UNC13A: variants seen among roughly 807,000 people sequenced by gnomAD.
The protein encoded by UNC13A is unc-13 homolog A.
Under a neutral mutation model 219.7 loss-of-function variants are expected in UNC13A, and 61 were observed. The ratio of observed to expected loss-of-function variants is 0.28; its 90% CI spans 0.23 to 0.34. UNC13A has a LOEUF of 0.34. Among genes scored for constraint, UNC13A ranks in the 10% least tolerant of loss-of-function variants. The pLI is 1.00. For missense variants in UNC13A, 1,476 were observed against 2,270.3 expected, an observed-to-expected ratio of 0.65 and a Z score of 7.11; for synonymous variants, 920 against 884.6, an observed-to-expected ratio of 1.04 and a Z score of -0.71.
chr19:17,658,129 C>T lies in UNC13A; in HGVS notation c.700G>A (p.Gly234Ser), dbSNP rs139378806. 6.2e-7 allele frequency: 1 copy of T among 1,613,796 alleles called. No individual in the cohort carries two copies. Among genetic ancestry groups the T allele is most frequent in the African/African-American group, 1.3e-5 (1 of 74,964 alleles). Residue 234 changes from glycine (G) to serine (S), a missense_variant, in exon 9 of 44, where the codon GGC becomes AGC. Gly to Ser is a moderately conservative substitution (Grantham distance 56). Transcript: ENST00000519716. The part of the protein sequence containing the change: ...HQYSVRPPPL[G>S]SRESYSDSMH... ...GAGTCACTGTAGGACTCCCGGGAGC[C>T]CAGGGGTGGTGGGCGAACAGAATAT...
Position 17,674,808 on chromosome 19 carries a change from C to A in UNC13A, c.53-52G>T. On this transcript the variant is annotated intron_variant, in intron 2 of 43. Transcript: ENST00000519716. The surrounding 1 kb of genome is among the most constrained non-coding windows in gnomAD (Gnocchi z 5.0). ...GCTGGGGCTCAGGGACTCTCCAATG[C>A]CCCTTCCCAAGCTCTAGACCATCTG... 1.4e-6 allele frequency: 2 copies of A among 1,478,036 alleles called. No homozygotes were observed. The highest frequency in any genetic ancestry group is 1.9e-6 in the Non-Finnish European group (2 of 1,057,642). 91.6% of individuals were successfully genotyped at this position (1,478,036 alleles called of 1,614,324 possible). A position where few individuals can be genotyped will look rare whatever the true frequency, so the allele number is the denominator to read the frequency against.
At position 17,605,927 on chromosome 19, in the gene UNC13A, C is replaced by A; in HGVS notation, c.*127G>T. 1 of 881,130 alleles carries A rather than the reference C, an allele frequency of 1.1e-6. No individual in the cohort carries two copies. Among genetic ancestry groups the A allele is most frequent in the Admixed American group, 4.3e-5 (1 of 23,470 alleles). 54.6% of individuals were successfully genotyped at this position (881,130 alleles called of 1,614,324 possible). ...GAAAGCTGAGTCAAGGGCGTAGGCG[C>A]AGCCCACCCTTGGCGTGGAGCCCCC... On this transcript the variant is annotated 3_prime_UTR_variant, in exon 44 of 44. Coordinates refer to ENST00000519716, the MANE Select transcript of UNC13A (RefSeq NM_001080421.3).
intron 1 of UNC13A, among the ~76,000 whole-genome samples, chr19:17,686,134 A>C (rs1340941008): frequency 1.4e-5 from 2 of 141,266 alleles, no homozygotes; most frequent in African/African-American, 2.7e-5. Flanking sequence ...ATTCCTCTCC[A>C]CTCAGCCGGG....
intron 1 of UNC13A, among the ~76,000 whole-genome samples, chr19:17,678,036 G>C (rs1468577099): frequency 4.6e-5 from 7 of 152,260 alleles, no homozygotes; most frequent in Non-Finnish European, 8.8e-5. Flanking sequence ...GTTTCTATGG[G>C]CAGATGTCAC....
intron 35 of UNC13A, 97 bp from the exon 36 acceptor site, chr19:17,623,644 G>T: frequency 1.7e-6 from 1 of 596,228 alleles, no homozygotes; most frequent in Non-Finnish European, 2.7e-6. Flanking sequence ...ATGGCAGCAC[G>T]GAGGGGCAAG....
chr19:17,647,388 T>A lies in UNC13A; in HGVS notation c.1921A>T (p.Ile641Phe). The A allele has an allele frequency of 6.2e-7, 1 of 1,613,740 alleles. No individual in the cohort carries two copies. Among genetic ancestry groups the A allele is most frequent in the African/African-American group, 1.3e-5 (1 of 75,004 alleles). ...AAGATCTCCTGGATGAGCTCGAAGATCTCGGGCTTGTTGCGCTCCCGGATC... is the reference window on the plus strand; with the variant it reads ...AAGATCTCCTGGATGAGCTCGAAGAACTCGGGCTTGTTGCGCTCCCGGATC... ...MKIRERNKPEIFELIQEIFAV... is the reference protein window; with the variant it reads ...MKIRERNKPEFFELIQEIFAV... Residue 641 changes from isoleucine to phenylalanine, a missense_variant, in exon 17 of 44, where the codon ATC (isoleucine) becomes TTC (phenylalanine). By Grantham distance (21) the Ile-to-Phe change is conservative. Transcript: ENST00000519716.
At chr19:17,673,438 A>G (rs1183097277) in intron 3 of UNC13A, among the ~76,000 whole-genome samples, 2 of 151,728 alleles carry the variant, frequency 1.3e-5, no homozygotes, top group Admixed American at 1.3e-4. Context: ...CATGCCTATA[A>G]TCCCAGCACT....
At chr19:17,610,988 G>A (rs999094482) in intron 42 of UNC13A, among the ~76,000 whole-genome samples, 2 of 152,008 alleles carry the variant, frequency 1.3e-5, no homozygotes, top group Non-Finnish European at 2.9e-5. Flanking sequence ...TGCTGTGATT[G>A]CACCACAGCG....
intron 19 of UNC13A, among the ~76,000 whole-genome samples, chr19:17,644,363 T>C (rs1426190036): frequency 1.3e-5 from 2 of 151,522 alleles, no homozygotes; most frequent in East Asian, 3.9e-4. Context: ...TATTTTTTTT[T>C]TTTTAATGGA....
intron 19 of UNC13A, 78 bp from the exon 20 acceptor site, chr19:17,643,038 T>A (rs1253338624): frequency 6.8e-4 from 666 of 986,580 alleles, no homozygotes; most frequent in Non-Finnish European, 9.3e-4. Flanking sequence ...TAAGAGGGAG[T>A]CTTGCTCTTG....
At chr19:17,612,421 G>A (rs2076613868) in intron 41 of UNC13A, among the ~76,000 whole-genome samples, 1 of 152,148 alleles carries the variant, frequency 6.6e-6, no homozygotes, top group African/African-American at 2.4e-5. Flanking sequence ...CAGAAGCAGA[G>A]CCATGTCTTT....
chr19:17,685,353 G>A (rs1568278181), intron 1 of UNC13A, among the ~76,000 whole-genome samples: 1 of 151,978 alleles, frequency 6.6e-6, no homozygotes, highest in Non-Finnish European at 1.5e-5. Context: ...ACCACACCTG[G>A]CTAATTTTTT....
In UNC13A at chr19:17,630,004, C is replaced by A. The variant is rs1432879795; in HGVS notation, c.3669+141G>T. On this transcript the variant is annotated intron_variant, in intron 30 of 43. Transcript: ENST00000519716. The stretch of plus-strand genomic sequence containing the variant: ...CCCAAACTTCAACTCCAACCTCAAC[C>A]CAAACTCCAACTTCAATCCCAACCT... 1.2e-5 allele frequency: 12 copies of A among 1,003,294 alleles called. No individual in the cohort carries two copies. The South Asian group carries it at 2.1e-4, about 17-fold the overall frequency. The allele number at this position is 1,003,294 out of a possible 1,614,324, so 62.1% of individuals were successfully genotyped here.
At position 17,633,116 on chromosome 19, in the gene UNC13A, G is replaced by A; in HGVS notation, c.3293C>T (p.Ala1098Val). 6.2e-7 allele frequency: 1 copy of A among 1,614,162 alleles called. No homozygotes were observed. ...WNLFAQDMKY[A>V]MEEHDKHRLC... ...TGGGGTGGGAAACTCACCCTCCATG[G>A]CGTACTTCATGTCTTGGGCAAACAG... The change falls in exon 27 of 44, where the codon GCC becomes GTC. Residue 1098 changes from alanine (A) to valine (V), a missense_variant. By Grantham distance (64) the Ala-to-Val change is moderately conservative. Transcript: ENST00000519716.
Position 17,603,175 on chromosome 19 carries a change from A to C in UNC13A, c.*2879T>G, listed in dbSNP as rs11668867. ...TCATTCAACAAATATTCCCTGAAGA[A>C]GCTTGTTTCCTTCACATGCCTGGGC... On this transcript the variant is annotated 3_prime_UTR_variant, in exon 44 of 44. Transcript: ENST00000519716. 0.053 allele frequency: 8,017 copies of C among 152,334 alleles called. 252 individuals carry two copies. Among genetic ancestry groups the C allele is most frequent in the South Asian group, 0.096 (466 of 4,830 alleles). The allele number at this position is 152,334 out of a possible 1,614,324, so 9.4% of individuals were successfully genotyped here. A position where few individuals can be genotyped will look rare whatever the true frequency, so the allele number is the denominator to read the frequency against.
At chr19:17,648,699 T>C in intron 15 of UNC13A, 49 bp from the exon 16 acceptor site, 1 of 1,577,548 alleles carries the variant, frequency 6.3e-7, no homozygotes, top group Non-Finnish European at 8.6e-7. Flanking sequence ...CCTGGCGCTG[T>C]CCCTGTCCTG....
chr19:17,641,585 G>A (rs1176398080), intron 20 of UNC13A, 29 bp from the exon 21 acceptor site: 2 of 1,612,396 alleles, frequency 1.2e-6, no homozygotes, highest in Non-Finnish European at 8.5e-7. Context: ...AAGTGTCATG[G>A]AGAGTGCAAG....
rs547056844 is a variant in UNC13A, at chr19:17,639,541, A to G, written c.2857-16T>C. 30 of 1,610,910 alleles carry G rather than the reference A, an allele frequency of 1.9e-5. No individual in the cohort carries two copies. The highest frequency in any genetic ancestry group is 5.3e-5 in the African/African-American group (4 of 74,854). On this transcript the variant is annotated splice_polypyrimidine_tract_variant and intron_variant, in intron 23 of 43. Transcript: ENST00000519716. ...GGAAGTTATTCTGTTGGGAGCAGGA[A>G]GAGATGTGGGGTTATGGAAGAAGGC...
intron 39 of UNC13A, 74 bp from the exon 40 acceptor site, chr19:17,618,575 C>A: frequency 6.9e-7 from 1 of 1,450,096 alleles, no homozygotes; most frequent in Non-Finnish European, 9.5e-7. Flanking sequence ...TGGGTCTCAT[C>A]CCTGTTCAAC....
Sources: gnomAD v4.1 joint callset for allele counts (sites outside exome capture counted in the v4.1 genomes callset) on GRCh38, gnomAD v4.1.1 for gene constraint, Gnocchi (gnomAD v3.1) non-coding constraint, MANE v1.5 for transcripts, NCBI Gene and HGNC (gene_info 2026-07-23, HGNC 2026-07-21) for gene names.